TRPM6: variants seen among roughly 807,000 people sequenced by gnomAD.
TRPM6 encodes transient receptor potential cation channel subfamily M member 6, also known as channel kinase 2.
In TRPM6, 111 loss-of-function variants were observed where a neutral mutation model predicts 247.6. The observed-to-expected ratio is 0.45, with a 90% confidence interval of 0.38 to 0.52. TRPM6 has a LOEUF of 0.52. TRPM6 is among the 20% of genes least tolerant of loss of function. The pLI is 0.00. For missense variants in TRPM6, 2,126 were observed against 2,421.5 expected, an observed-to-expected ratio of 0.88 and a Z score of 2.56; for synonymous variants, 892 against 853.8, an observed-to-expected ratio of 1.04 and a Z score of -0.78.
intron 24 of TRPM6, among the ~76,000 whole-genome samples, chr9:74,775,509 C>A (rs1225868352): frequency 1.3e-5 from 2 of 152,156 alleles, no homozygotes; most frequent in East Asian, 3.8e-4. Flanking sequence ...TCCATTCTGT[C>A]TGAATTCCAT....
chr9:74,854,300 A>G (rs151126189), intron 3 of TRPM6, among the ~76,000 whole-genome samples: 1 of 152,186 alleles, frequency 6.6e-6, no homozygotes. Flanking sequence ...TGTGGGGTTG[A>G]GATTTTGGAG....
chr9:74,788,817 C>G (rs1417162084), intron 19 of TRPM6, 75 bp from the exon 20 acceptor site: 1 of 1,565,472 alleles, frequency 6.4e-7, no homozygotes, highest in African/African-American at 1.4e-5. Context: ...GCAGATGGAG[C>G]AGAAACCCAG....
chr9:74,865,980 C>G (rs7855171), intron 1 of TRPM6, among the ~76,000 whole-genome samples: 1 of 152,074 alleles, frequency 6.6e-6, no homozygotes, highest in South Asian at 2.1e-4. Flanking sequence ...ACTTACCAAC[C>G]TCTCAGACAA....
At chr9:74,836,660 T>C (rs1231229735) in intron 5 of TRPM6, among the ~76,000 whole-genome samples, 1 of 152,250 alleles carries the variant, frequency 6.6e-6, no homozygotes, top group Non-Finnish European at 1.5e-5. Context: ...TTCATCCTGC[T>C]GTTCAAATTC....
chr9:74,804,021 G>C, intron 14 of TRPM6, 135 bp from the exon 15 acceptor site: 1 of 708,612 alleles, frequency 1.4e-6, no homozygotes, highest in Non-Finnish European at 2.5e-6. Context: ...CAAATATAAT[G>C]TTGTGTCCTA....
chr9:74,786,110 G>A lies in TRPM6; in HGVS notation c.2683C>T (p.Pro895Ser), dbSNP rs1443424896. The change falls in exon 21 of 39, where the codon CCT becomes TCT. Residue 895 changes from proline to serine, a missense_variant. Transcript: ENST00000360774. ...TTCACCTTTTGGGTAAACTTCCCAG[G>A]TTCTGAAATACAGATCTAAAAGAAG... ...EVVREICISEPGKFTQKVKVW... is the reference protein window; with the variant it reads ...EVVREICISESGKFTQKVKVW... 6.2e-7 allele frequency: 1 copy of A among 1,614,140 alleles called. No homozygotes were observed. The highest frequency in any genetic ancestry group is 8.5e-7 in the Non-Finnish European group (1 of 1,180,006).
At chr9:74,819,318 A>C (rs1336485022) in intron 9 of TRPM6, among the ~76,000 whole-genome samples, 1 of 152,032 alleles carries the variant, frequency 6.6e-6, no homozygotes, top group Non-Finnish European at 1.5e-5. Context: ...CAAAAAAAAA[A>C]AAAAGAATTG....
chr9:74,736,240 T>C (rs981801729), intron 36 of TRPM6, among the ~76,000 whole-genome samples: 6 of 152,194 alleles, frequency 3.9e-5, no homozygotes, highest in African/African-American at 1.4e-4. Flanking sequence ...TCAAGGTGGT[T>C]GCTCCTCCGT....
intron 1 of TRPM6, among the ~76,000 whole-genome samples, chr9:74,864,038 C>T (rs1830771998): frequency 6.6e-6 from 1 of 152,144 alleles, no homozygotes; most frequent in African/African-American, 2.4e-5. Context: ...GAACTGATAA[C>T]TGACTCCGAT....
chr9:74,885,906 AAAAAT>A (rs1831515228), intron 1 of TRPM6, among the ~76,000 whole-genome samples: 1 of 152,224 alleles, frequency 6.6e-6, no homozygotes, highest in South Asian at 2.1e-4. Context: ...TCTGTCTCAA[AAAAAT>A]AAAATAAAAT....
At chr9:74,886,928 G>A (rs1386788978) in intron 1 of TRPM6, among the ~76,000 whole-genome samples, 1 of 152,192 alleles carries the variant, frequency 6.6e-6, no homozygotes, top group African/African-American at 2.4e-5. Context: ...GCTAACGTTT[G>A]CTAAGCTGCC....
intron 25 of TRPM6, among the ~76,000 whole-genome samples, chr9:74,765,097 A>G (rs1480309763): frequency 6.6e-6 from 1 of 152,220 alleles, no homozygotes; most frequent in Non-Finnish European, 1.5e-5. Flanking sequence ...ACATAATCTT[A>G]CTATGCTAAA....
In TRPM6 at chr9:74,740,073, CCTAAAT is replaced by C. The variant is rs1825814961; in HGVS notation, c.5201-70_5201-65del. On this transcript the variant is annotated intron_variant, in intron 33 of 38. Transcript: ENST00000360774. Reference sequence around the variant, plus strand: ...GCCATGTCTGTGACATGAATAGTATCCTAAATATCAATGCAGAATCAGTTCAGTTAC... The same window carrying C: ...GCCATGTCTGTGACATGAATAGTATCATCAATGCAGAATCAGTTCAGTTAC... 6 of 1,558,800 alleles carry C rather than the reference CCTAAAT, an allele frequency of 3.8e-6. No individual in the cohort carries two copies. The East Asian group carries it at 1.4e-4, about 36-fold the overall frequency.
chr9:74,726,952 G>A (rs1433974043), intron 38 of TRPM6, among the ~76,000 whole-genome samples: 9 of 152,192 alleles, frequency 5.9e-5, no homozygotes, highest in Non-Finnish European at 1.5e-5. Context: ...TGATTTGTGA[G>A]AGTGAGTCCT....
chr9:74,732,686 G>C lies in TRPM6; in HGVS notation c.5827C>G (p.Gln1943Glu). ...ATGATAACACATAAATTAACTTACT[G>C]TTTGACTTCAGGTTTTATAACAGAT... ...DPSVIKPEVKQSRGMVFGPAN... is the reference protein window; with the variant it reads ...DPSVIKPEVKESRGMVFGPAN... Residue 1943 changes from glutamine to glutamate, a missense_variant and splice_region_variant, in exon 37 of 39, where the codon CAA (glutamine) becomes GAA (glutamate). By Grantham distance (29) the Gln-to-Glu change is conservative. Around this residue, in one of 3 missense-constraint regions of TRPM6, gnomAD observed 327 missense variants for 397.7 expected, o/e 0.82. Transcript: ENST00000360774. 1 of 1,603,374 alleles carries C rather than the reference G, an allele frequency of 6.2e-7. No individual in the cohort carries two copies. Among genetic ancestry groups the C allele is most frequent in the African/African-American group, 1.3e-5 (1 of 74,812 alleles).
chr9:74,851,682 G>C (rs987446021), intron 3 of TRPM6, among the ~76,000 whole-genome samples: 3 of 151,126 alleles, frequency 2.0e-5, no homozygotes, highest in African/African-American at 7.3e-5. Context: ...CTGGGAGGTG[G>C]AGGTTGTGGT....
Position 74,805,106 on chromosome 9 carries a change from T to C in TRPM6, c.1639-1220A>G, listed in dbSNP as rs1828486539. On this transcript the variant is annotated intron_variant, in intron 14 of 38. Transcript: ENST00000360774. ...CAAAGACTGAATCAAGTAATTTTTC[T>C]AACATAATTGGATAAAATCTCCAAT... is the stretch of plus-strand genomic sequence containing the variant. Among the ~76,000 whole-genome samples the C allele has an allele frequency of 1.3e-5, 2 of 152,224 alleles. 1 individual carries two copies. Among genetic ancestry groups the C allele is most frequent in the Non-Finnish European group, 2.9e-5 (2 of 68,036 alleles).
chr9:74,762,900 G>A lies in TRPM6; in HGVS notation c.3771C>T (p.Ile1257=), dbSNP rs1475071980. ...KKLPHSWSNV[I]CAEVLGSMEI... ...CCATGCTGCCTAGAACCTCTGCACA[G>A]ATGACATTGCTCCAGCTGTGGGGAA... Residue 1257 remains isoleucine, a synonymous_variant, in exon 26 of 39, where the codon ATC becomes ATT. Coordinates refer to ENST00000360774, the MANE Select transcript of TRPM6 (RefSeq NM_017662.5). 2 of 1,609,656 alleles carry A rather than the reference G, an allele frequency of 1.2e-6. No homozygotes were observed. Among genetic ancestry groups the A allele is most frequent in the Admixed American group, 1.7e-5 (1 of 59,620 alleles).
chr9:74,783,187 TA>T (rs59909667), intron 21 of TRPM6, among the ~76,000 whole-genome samples: 63,887 of 146,814 alleles, frequency 0.44, 13,795 homozygotes, highest in African/African-American at 0.52. Flanking sequence ...GTTAGGAAAA[TA>T]AAAAAAAAAA....
Sources: gnomAD v4.1 joint callset for allele counts (sites outside exome capture counted in the v4.1 genomes callset) on GRCh38, gnomAD v4.1.1 for gene constraint, gnomAD v4.1.1 regional missense constraint, MANE v1.5 for transcripts, NCBI Gene and HGNC (gene_info 2026-07-23, HGNC 2026-07-21) for gene names.